XPO7: variants seen among roughly 807,000 people sequenced by gnomAD.
XPO7 encodes exportin 7.
A neutral mutation model predicts 144.3 loss-of-function variants in XPO7; 21 were observed. The observed-to-expected ratio is 0.15, with a 90% CI of 0.10 to 0.21. The LOEUF is 0.21. Among genes scored for constraint, XPO7 ranks in the 10% least tolerant of loss-of-function variants. XPO7 has a pLI of 1.00. For missense variants in XPO7, 808 were observed against 1,325.8 expected (o/e 0.61, Z 6.06); for synonymous variants, 580 against 499.6 (o/e 1.16, Z -2.15).
In XPO7 at chr8:21,977,721, C is replaced by T. The variant is rs1196916746; in HGVS notation, c.764-49C>T. On this transcript the variant is annotated intron_variant, in intron 7 of 27. Transcript: ENST00000252512. Reference sequence around the variant, plus strand: ...TATAGTGCTGGAAGTATGCCAGCGGCAATGTTCATACTTAATAAAGTGATG... The same window carrying T: ...TATAGTGCTGGAAGTATGCCAGCGGTAATGTTCATACTTAATAAAGTGATG... 4 of 1,564,314 alleles carry T rather than the reference C, an allele frequency of 2.6e-6. No individual in the cohort carries two copies. The Admixed American group carries it at 5.1e-5, about 20-fold the overall frequency.
chr8:21,994,474 C>T (rs1250171171), intron 20 of XPO7, 23 bp downstream of exon 20: 1 of 1,597,142 alleles, frequency 6.3e-7, no homozygotes, highest in Non-Finnish European at 8.6e-7. Flanking sequence ...AAACTAGGAG[C>T]ACACTACAGC....
At chr8:21,926,520 A>G (rs1261582985) in intron 1 of XPO7, among the ~76,000 whole-genome samples, 1 of 152,016 alleles carries the variant, frequency 6.6e-6, no homozygotes, top group Non-Finnish European at 1.5e-5. Context: ...TTGAAAGCAT[A>G]TGTCATGAGT....
At chr8:21,973,739 C>T (rs987854251) in intron 5 of XPO7, among the ~76,000 whole-genome samples, 2 of 152,182 alleles carry the variant, frequency 1.3e-5, no homozygotes, top group Non-Finnish European at 2.9e-5. Flanking sequence ...CTCCTGACAA[C>T]TTTGAAGTTA....
At chr8:21,951,412 A>G (rs893105471) in intron 1 of XPO7, among the ~76,000 whole-genome samples, 1 of 152,090 alleles carries the variant, frequency 6.6e-6, no homozygotes, top group African/African-American at 2.4e-5. Context: ...AACATACCAT[A>G]TAATTTATTA....
chr8:22,005,375 G>A lies in XPO7; in HGVS notation c.*287G>A. 1 of 279,744 alleles carries A rather than the reference G, an allele frequency of 3.6e-6. No homozygotes were observed. The highest frequency in any genetic ancestry group is 6.7e-6 in the Non-Finnish European group (1 of 149,992). 17.3% of individuals were successfully genotyped at this position (279,744 alleles called of 1,614,324 possible). A position where few individuals can be genotyped will look rare whatever the true frequency, so the allele number is the denominator to read the frequency against. Reference sequence around the variant, plus strand: ...TCTCCTCCTGGGGCCACCCAAGTGGGGAGAACCCCTAGTGTCCTGCCACAA... The same window carrying A: ...TCTCCTCCTGGGGCCACCCAAGTGGAGAGAACCCCTAGTGTCCTGCCACAA... On this transcript the variant is annotated 3_prime_UTR_variant, in exon 28 of 28. Coordinates refer to ENST00000252512, the MANE Select transcript of XPO7 (RefSeq NM_015024.5).
chr8:21,983,379 T>A (rs1211922842), intron 11 of XPO7, among the ~76,000 whole-genome samples: 2 of 152,226 alleles, frequency 1.3e-5, no homozygotes, highest in African/African-American at 4.8e-5. Flanking sequence ...TTAAATGAAG[T>A]TATAGCCCTG....
intron 1 of XPO7, among the ~76,000 whole-genome samples, chr8:21,946,575 AAAAAAAAAAAC>A (rs1275376201): frequency 1.2e-5 from 1 of 80,520 alleles, no homozygotes; most frequent in Non-Finnish European, 2.5e-5. Context: ...TCTAGAACTG[AAAAAAAAAAAC>A]AAAAAAAAAA....
chr8:21,934,899 C>T (rs1387737643), intron 1 of XPO7, among the ~76,000 whole-genome samples: 3 of 152,102 alleles, frequency 2.0e-5, no homozygotes, highest in African/African-American at 4.8e-5. Context: ...CAGGGACTCA[C>T]GCAAGGTGGA....
At position 21,920,958 on chromosome 8, in the gene XPO7, A is replaced by G. The variant is rs192309172; in HGVS notation, c.18+1170A>G. On this transcript the variant is annotated intron_variant, in intron 1 of 27. Coordinates refer to ENST00000252512, the MANE Select transcript of XPO7 (RefSeq NM_015024.5). Reference sequence around the variant, plus strand: ...CCCCTTTCTTTGGAGAGAAGGGACTAAATAAAAGACTTAATTTTCAGGCCA... The same window carrying G: ...CCCCTTTCTTTGGAGAGAAGGGACTGAATAAAAGACTTAATTTTCAGGCCA... Among the ~76,000 whole-genome samples, 4 of 152,314 alleles carry G rather than the reference A, an allele frequency of 2.6e-5. No individual in the cohort carries two copies. In the East Asian group the frequency reaches 5.8e-4, roughly 22 times the overall value.
At position 21,985,619 on chromosome 8, in the gene XPO7, C is replaced by G; in HGVS notation, c.1505C>G (p.Ala502Gly). The change falls in exon 13 of 28, where the codon GCA (alanine) becomes GGA (glycine). Residue 502 changes from alanine to glycine, a missense_variant. By Grantham distance (60) the Ala-to-Gly change is moderately conservative (BLOSUM62 0). Transcript: ENST00000252512. Reference sequence around the variant, plus strand: ...ACATGGCTGGTTTACATTATTGGAGCAGTGATCGGTGGCCGGGTTTCTTTT... The same window carrying G: ...ACATGGCTGGTTTACATTATTGGAGGAGTGATCGGTGGCCGGGTTTCTTTT... The part of the protein sequence containing the change: ...RLTWLVYIIG[A>G]VIGGRVSFAS... 6.2e-7 allele frequency: 1 copy of G among 1,613,952 alleles called. No individual in the cohort carries two copies. The highest frequency in any genetic ancestry group is 8.5e-7 in the Non-Finnish European group (1 of 1,179,894).
At chr8:21,952,426 C>T (rs1235096625) in intron 1 of XPO7, among the ~76,000 whole-genome samples, 2 of 151,950 alleles carry the variant, frequency 1.3e-5, no homozygotes, top group Admixed American at 1.3e-4. Flanking sequence ...GAGGGTAGAA[C>T]ACCAGAGAAG....
chr8:21,920,227 C>T (rs767548557), intron 1 of XPO7, among the ~76,000 whole-genome samples: 3 of 151,834 alleles, frequency 2.0e-5, no homozygotes, highest in Non-Finnish European at 4.4e-5. Context: ...GGAAACCTCG[C>T]GCTGATAAAC....
chr8:21,919,800 C>G lies in XPO7; in HGVS notation c.18+12C>G. ...CGGATCATGTGCAGGTGAGAGGAGC[C>G]GCGGGGGGGAGGGGGCGACCACGAA... On this transcript the variant is annotated intron_variant, in intron 1 of 27. Transcript: ENST00000252512. The G allele has an allele frequency of 1.9e-6, 1 of 521,014 alleles. No individual in the cohort carries two copies. Among genetic ancestry groups the G allele is most frequent in the Admixed American group, 5.1e-5 (1 of 19,796 alleles). 32.3% of individuals were successfully genotyped at this position (521,014 alleles called of 1,614,324 possible).
intron 1 of XPO7, among the ~76,000 whole-genome samples, chr8:21,936,531 G>T (rs1035073979): frequency 6.6e-6 from 1 of 152,088 alleles, no homozygotes; most frequent in African/African-American, 2.4e-5. Context: ...TTCAAATTTC[G>T]TGAAGCCACA....
intron 1 of XPO7, among the ~76,000 whole-genome samples, chr8:21,931,835 G>A (rs952686622): frequency 2.0e-5 from 3 of 152,012 alleles, no homozygotes; most frequent in Admixed American, 2.0e-4. Context: ...TCTAGAAAAG[G>A]CTTCTTTTTT....
rs1813067789 is a variant in XPO7, at chr8:21,999,523, T to TCCTCTC, written c.2644-10_2644-5dup. On this transcript the variant is annotated splice_polypyrimidine_tract_variant and intron_variant, in intron 23 of 27. Coordinates refer to ENST00000252512, the MANE Select transcript of XPO7 (RefSeq NM_015024.5). ...GTGCCTAAGCTGATTTTCTTCCTCTTCCTCTCCCACAGGATTACCCCAAGC... is the reference window on the plus strand; with the variant it reads ...GTGCCTAAGCTGATTTTCTTCCTCTTCCTCTCCCTCTCCCACAGGATTACCCCAAGC... The TCCTCTC allele has an allele frequency of 6.2e-7, 1 of 1,613,798 alleles. No individual in the cohort carries two copies. The highest frequency in any genetic ancestry group is 2.2e-5 in the East Asian group (1 of 44,884).
intron 19 of XPO7, among the ~76,000 whole-genome samples, chr8:21,993,527 A>T (rs923602572): frequency 1.2e-4 from 19 of 152,152 alleles, no homozygotes; most frequent in Admixed American, 1.1e-3. Flanking sequence ...CCCCCAAACT[A>T]TGATTTTTAT....
intron 10 of XPO7, 24 bp from the exon 11 acceptor site, chr8:21,982,615 CT>C: frequency 6.4e-7 from 1 of 1,553,530 alleles, no homozygotes; most frequent in South Asian, 1.2e-5. Context: ...AAAAATATGC[CT>C]TCTGCTTTTC....
At chr8:21,924,192 A>G (rs1374452980) in intron 1 of XPO7, among the ~76,000 whole-genome samples, 1 of 152,162 alleles carries the variant, frequency 6.6e-6, no homozygotes, top group African/African-American at 2.4e-5. Flanking sequence ...GGCCTCTCCT[A>G]GTGCATCATT....
Sources: allele counts gnomAD v4.1 joint callset (sites outside exome capture counted in the v4.1 genomes callset), GRCh38; gene constraint gnomAD v4.1.1; transcripts MANE v1.5; gene names NCBI Gene and HGNC (gene_info 2026-07-23, HGNC 2026-07-21).